Variants in CHDH observed in about 807,000 individuals in gnomAD.
CHDH encodes choline dehydrogenase.
A neutral mutation model predicts 56.9 loss-of-function variants in CHDH; 43 were observed. The observed-to-expected ratio is 0.76, with a 90% CI of 0.59 to 0.97. The LOEUF (loss-of-function observed/expected upper bound fraction) is 0.97, where lower values mean the gene tolerates loss of function less well. CHDH is among the 50% of genes least tolerant of loss of function. CHDH has a pLI of 0.00. For synonymous variants in CHDH, 364 were observed against 348.5 expected (o/e 1.04, Z -0.50); for missense variants, 816 against 821.1 (o/e 0.99, Z 0.08).
At chr3:53,821,870 C>T (rs2095627240) in intron 4 of CHDH, 94 bp from the exon 5 acceptor site, 1 of 1,509,810 alleles carries the variant, frequency 6.6e-7, no homozygotes, top group Non-Finnish European at 9.0e-7. Flanking sequence ...CATGAGAACA[C>T]AGCCTTGGGA....
chr3:53,819,907 C>G lies in CHDH; in HGVS notation c.1121-233G>C, dbSNP rs2095622937. On this transcript the variant is annotated intron_variant, in intron 6 of 8. Coordinates refer to ENST00000315251, the MANE Select transcript of CHDH (RefSeq NM_018397.5). This position sits in a 1 kb window ranked among gnomAD's most constrained non-coding sequence, Gnocchi z 5.4. ...AAAAGGATGGCATCAGCTCTGCTCT[C>G]TACCAGGGCCAATTCTGCCACTGCC... Among the ~76,000 whole-genome samples the G allele has an allele frequency of 6.6e-6, 1 of 152,244 alleles. No individual in the cohort carries two copies. Among genetic ancestry groups the G allele is most frequent in the Non-Finnish European group, 1.5e-5 (1 of 68,044 alleles).
intron 2 of CHDH, among the ~76,000 whole-genome samples, chr3:53,837,903 C>A (rs1416336050): frequency 6.6e-6 from 1 of 151,830 alleles, no homozygotes; most frequent in Admixed American, 6.6e-5. Flanking sequence ...ACTAAAAATA[C>A]AAAAATTAGC....
chr3:53,835,126 A>G (rs1698456692), intron 2 of CHDH, among the ~76,000 whole-genome samples: 1 of 152,230 alleles, frequency 6.6e-6, no homozygotes, highest in Non-Finnish European at 1.5e-5. Context: ...TGCTCTGCAC[A>G]ACCATAGAAA....
At chr3:53,832,143 T>C (rs1698352975) in intron 2 of CHDH, among the ~76,000 whole-genome samples, 1 of 152,140 alleles carries the variant, frequency 6.6e-6, no homozygotes, top group Non-Finnish European at 1.5e-5. Flanking sequence ...TCCAAAAACC[T>C]GAAAGCAGAA....
intron 2 of CHDH, among the ~76,000 whole-genome samples, chr3:53,834,516 T>C (rs1220050565): frequency 1.3e-5 from 2 of 152,232 alleles, no homozygotes; most frequent in African/African-American, 2.4e-5. Context: ...GAAAACGGAT[T>C]GCTTTATACG....
chr3:53,842,207 G>A (rs1003271390), intron 1 of CHDH, among the ~76,000 whole-genome samples: 2 of 151,994 alleles, frequency 1.3e-5, no homozygotes, highest in Non-Finnish European at 2.9e-5. Context: ...TTCACAGCTG[G>A]CCTGAGTTTC....
chr3:53,835,414 A>G (rs776964446), intron 2 of CHDH, among the ~76,000 whole-genome samples: 26 of 152,224 alleles, frequency 1.7e-4, no homozygotes, highest in Non-Finnish European at 2.5e-4. Flanking sequence ...CCAGGCTTGC[A>G]CTTGACCTTC....
At chr3:53,833,891 C>T (rs1316049533) in intron 2 of CHDH, among the ~76,000 whole-genome samples, 1 of 152,202 alleles carries the variant, frequency 6.6e-6, no homozygotes, top group Non-Finnish European at 1.5e-5. Flanking sequence ...GGCAGCCCCA[C>T]CAAGCCACAC....
intron 8 of CHDH, among the ~76,000 whole-genome samples, chr3:53,818,669 G>A (rs145719962): frequency 3.3e-5 from 5 of 152,284 alleles, no homozygotes; most frequent in East Asian, 1.9e-4. Flanking sequence ...CCTGCATGGC[G>A]TGGTCTCCCT....
intron 4 of CHDH, among the ~76,000 whole-genome samples, chr3:53,822,218 C>A (rs980475701): frequency 6.6e-6 from 1 of 151,996 alleles, no homozygotes; most frequent in African/African-American, 2.4e-5. Flanking sequence ...GACATCGGTG[C>A]CTTGAAATGG....
intron 1 of CHDH, among the ~76,000 whole-genome samples, chr3:53,841,205 G>A (rs1244775050): frequency 6.6e-6 from 1 of 152,060 alleles, no homozygotes; most frequent in Non-Finnish European, 1.5e-5. Context: ...CAGTCATCTA[G>A]TCTTTCACCA....
chr3:53,818,333 TGAG>T, intron 8 of CHDH, 138 bp from the exon 9 acceptor site: 1 of 768,572 alleles, frequency 1.3e-6, no homozygotes, highest in Non-Finnish European at 2.0e-6. Flanking sequence ...CATGGGGGAC[TGAG>T]CCAGCAGGCT....
intron 2 of CHDH, among the ~76,000 whole-genome samples, chr3:53,830,684 C>T (rs1055956087): frequency 6.6e-6 from 1 of 152,132 alleles, no homozygotes; most frequent in African/African-American, 2.4e-5. Flanking sequence ...TTCACTACAA[C>T]AAGAGAATAT....
At chr3:53,829,521 C>T (rs924078637) in intron 2 of CHDH, among the ~76,000 whole-genome samples, 1 of 152,164 alleles carries the variant, frequency 6.6e-6, no homozygotes, top group Admixed American at 6.5e-5. Context: ...TCACCCTCCT[C>T]TCGATTTTGC....
chr3:53,818,128 C>T lies in CHDH; in HGVS notation c.1434G>A (p.Leu478=). ...LTREIFAQEA[L]APFRGKELQP... The stretch of plus-strand genomic sequence containing the variant: ...GGAGCTCTTTCCCTCGGAACGGAGC[C>T]AGGGCTTCCTGTGCAAAAATTTCTC... Residue 478 remains leucine, a synonymous_variant, in exon 9 of 9, where the codon CTG becomes CTA. Coordinates refer to ENST00000315251, the MANE Select transcript of CHDH (RefSeq NM_018397.5). The T allele has an allele frequency of 6.2e-7, 1 of 1,613,930 alleles. No homozygotes were observed.
At chr3:53,831,149 G>A (rs776310128) in intron 2 of CHDH, among the ~76,000 whole-genome samples, 40 of 152,246 alleles carry the variant, frequency 2.6e-4, no homozygotes, top group Non-Finnish European at 5.6e-4. Flanking sequence ...CTGTGGGCCT[G>A]TGGTGGTCGC....
In CHDH at chr3:53,817,583, G is replaced by A. The variant is rs1012158581; in HGVS notation, c.*194C>T. 1.8e-6 allele frequency: 1 copy of A among 560,722 alleles called. No individual in the cohort carries two copies. Among genetic ancestry groups the A allele is most frequent in the Admixed American group, 3.5e-5 (1 of 28,608 alleles). 34.7% of individuals were successfully genotyped at this position (560,722 alleles called of 1,614,324 possible). A position where few individuals can be genotyped will look rare whatever the true frequency, so the allele number is the denominator to read the frequency against. ...AAATGGCCCACAGGGAAAGGCTGGG[G>A]AAAAGGAGCTGGATTCACTGCCCAG... On this transcript the variant is annotated 3_prime_UTR_variant, in exon 9 of 9. Coordinates refer to ENST00000315251, the MANE Select transcript of CHDH (RefSeq NM_018397.5).
chr3:53,827,014 G>C (rs2095640207), intron 2 of CHDH, among the ~76,000 whole-genome samples: 1 of 152,180 alleles, frequency 6.6e-6, no homozygotes, highest in South Asian at 2.1e-4. Context: ...GCTGGGTGCA[G>C]TGGCCCATAT....
chr3:53,830,273 T>G (rs1001675175), intron 2 of CHDH, among the ~76,000 whole-genome samples: 1 of 152,078 alleles, frequency 6.6e-6, no homozygotes, highest in East Asian at 1.9e-4. Context: ...TATAGTTCAG[T>G]TGGTCAAAGA....
Sources: gnomAD v4.1 joint callset for allele counts (sites outside exome capture counted in the v4.1 genomes callset) on GRCh38, gnomAD v4.1.1 for gene constraint, Gnocchi (gnomAD v3.1) non-coding constraint, MANE v1.5 for transcripts, NCBI Gene and HGNC (gene_info 2026-07-23, HGNC 2026-07-21) for gene names.